PCDH15: variants seen among roughly 807,000 people sequenced by gnomAD.
PCDH15 encodes protocadherin related 15, also known as protocadherin-15.
In PCDH15, 129 loss-of-function variants were observed where a neutral mutation model predicts 178.5. The ratio of observed to expected loss-of-function variants is 0.72; its 90% confidence interval spans 0.63 to 0.84. The LOEUF is 0.84. Ranked by LOEUF, PCDH15 falls within the 40% of genes least tolerant of loss-of-function variation. The pLI is 0.00. For missense variants in PCDH15, 2,230 were observed against 2,099.9 expected (o/e 1.06, Z -1.21); for synonymous variants, 800 against 732.0 (o/e 1.09, Z -1.50).
chr10:55,340,836 T>C (rs961579818), intron 2 of PCDH15, among the ~76,000 whole-genome samples: 4 of 152,100 alleles, frequency 2.6e-5, no homozygotes, highest in Non-Finnish European at 5.9e-5. Context: ...AGAAATTTAA[T>C]GGATTTATTG....
chr10:54,867,979 T>C (rs1055703295), intron 3 of PCDH15, among the ~76,000 whole-genome samples: 4 of 152,168 alleles, frequency 2.6e-5, no homozygotes, highest in African/African-American at 9.7e-5. Context: ...TCACCACACA[T>C]ACAAAAATAT....
intron 2 of PCDH15, among the ~76,000 whole-genome samples, chr10:55,515,425 A>AT (rs1840989513): frequency 6.6e-6 from 1 of 152,294 alleles, no homozygotes; most frequent in African/African-American, 2.4e-5. Context: ...GTTGTAAAAG[A>AT]TTGAATGCAG....
chr10:54,662,316 T>A (rs1401999251), intron 2 of PCDH15, among the ~76,000 whole-genome samples: 1 of 151,980 alleles, frequency 6.6e-6, no homozygotes, highest in Non-Finnish European at 1.5e-5. Context: ...ACCTCACTAA[T>A]CATTAGAGAA....
At chr10:55,189,349 T>C (rs1173680062) in intron 1 of PCDH15, among the ~76,000 whole-genome samples, 4 of 151,960 alleles carry the variant, frequency 2.6e-5, no homozygotes, top group African/African-American at 7.2e-5. Flanking sequence ...CATGTAAAGA[T>C]TTTTTTAAAT....
chr10:55,083,646 A>G (rs1842096421), intron 2 of PCDH15, among the ~76,000 whole-genome samples: 1 of 151,928 alleles, frequency 6.6e-6, no homozygotes, highest in Non-Finnish European at 1.5e-5. Flanking sequence ...AAATGAAATA[A>G]TCTTATAAGT....
chr10:54,861,212 T>C (rs374545421), intron 3 of PCDH15, among the ~76,000 whole-genome samples: 42 of 152,216 alleles, frequency 2.8e-4, no homozygotes, highest in African/African-American at 7.9e-4. Flanking sequence ...GGCAGATGCA[T>C]TGATAGACTG....
chr10:53,857,991 A>G (rs945428009), intron 27 of PCDH15, among the ~76,000 whole-genome samples: 4 of 152,076 alleles, frequency 2.6e-5, no homozygotes, highest in African/African-American at 7.2e-5. Context: ...TCAGGTTGTT[A>G]TTAATATCAT....
At chr10:55,040,847 C>A (rs1235746648) in intron 2 of PCDH15, among the ~76,000 whole-genome samples, 2 of 150,980 alleles carry the variant, frequency 1.3e-5, no homozygotes, top group Admixed American at 1.3e-4. Context: ...TTTCTCATTT[C>A]CCTTTCTACT....
chr10:54,839,439 A>G (rs1273162532), intron 3 of PCDH15, among the ~76,000 whole-genome samples: 1 of 152,088 alleles, frequency 6.6e-6, no homozygotes, highest in Non-Finnish European at 1.5e-5. Flanking sequence ...AGAATTTGTA[A>G]TCTTGAAAAC....
chr10:54,801,824 C>T (rs1350597744), upstream of PCDH15, among the ~76,000 whole-genome samples: 3 of 152,140 alleles, frequency 2.0e-5, no homozygotes, highest in Non-Finnish European at 4.4e-5. Flanking sequence ...AAGAAATATA[C>T]TATACAAAAC....
At chr10:54,096,234 A>G (rs1454183846) in intron 15 of PCDH15, among the ~76,000 whole-genome samples, 2 of 151,758 alleles carry the variant, frequency 1.3e-5, no homozygotes, top group Non-Finnish European at 2.9e-5. Context: ...ACCAACACCA[A>G]GTTCTTCTTA....
chr10:54,137,689 C>T (rs984232598), intron 14 of PCDH15, among the ~76,000 whole-genome samples: 2 of 152,200 alleles, frequency 1.3e-5, no homozygotes, highest in Non-Finnish European at 2.9e-5. Flanking sequence ...TATGTAAACA[C>T]TAACTGTAGT....
chr10:55,006,297 CCTTT>C (rs1346787578), intron 2 of PCDH15, among the ~76,000 whole-genome samples: 2 of 152,108 alleles, frequency 1.3e-5, no homozygotes, highest in Admixed American at 6.6e-5. Flanking sequence ...TCGGTTACTA[CCTTT>C]CTATTTTCTC....
At chr10:54,671,458 G>C (rs1385855708) in intron 1 of PCDH15, among the ~76,000 whole-genome samples, 1 of 152,114 alleles carries the variant, frequency 6.6e-6, no homozygotes, top group Non-Finnish European at 1.5e-5. Context: ...AAAAGTCCTG[G>C]CTCTGGCATG....
At chr10:55,216,363 T>G (rs916310363) in intron 1 of PCDH15, among the ~76,000 whole-genome samples, 1 of 151,998 alleles carries the variant, frequency 6.6e-6, no homozygotes, top group Non-Finnish European at 1.5e-5. Flanking sequence ...ACTTTAATTG[T>G]ATCTCTTTGT....
At chr10:55,184,141 A>G (rs950495590) in intron 1 of PCDH15, among the ~76,000 whole-genome samples, 3 of 151,980 alleles carry the variant, frequency 2.0e-5, no homozygotes, top group African/African-American at 7.2e-5. Context: ...CTAAGGTCTC[A>G]ACTTGGCCCT....
chr10:54,571,535 C>G (rs962645618), intron 2 of PCDH15, among the ~76,000 whole-genome samples: 3 of 152,056 alleles, frequency 2.0e-5, no homozygotes, highest in Non-Finnish European at 4.4e-5. Flanking sequence ...AGGCAATGTA[C>G]TAACCCATGA....
At chr10:54,745,160 C>G (rs553102704) in intron 1 of PCDH15, among the ~76,000 whole-genome samples, 1 of 151,938 alleles carries the variant, frequency 6.6e-6, no homozygotes, top group Non-Finnish European at 1.5e-5. Context: ...AATCAATTCA[C>G]CGGGTTATGG....
At chr10:54,058,769 C>T (rs1163171611) in intron 18 of PCDH15, among the ~76,000 whole-genome samples, 2 of 151,650 alleles carry the variant, frequency 1.3e-5, no homozygotes, top group East Asian at 1.9e-4. Flanking sequence ...TCTCAACTCA[C>T]TGCAACCTCT....
Sources: gnomAD v4.1 joint callset for allele counts (sites outside exome capture counted in the v4.1 genomes callset) on GRCh38, gnomAD v4.1.1 for gene constraint, MANE v1.5 for transcripts, NCBI Gene and HGNC (gene_info 2026-07-23, HGNC 2026-07-21) for gene names.